The following TBX5 variants were observed in gnomAD, a reference collection of about 807,000 sequenced individuals.
The protein encoded by TBX5 is T-box transcription factor 5, also known as T-box transcription factor TBX5.
Under a neutral mutation model 51.1 loss-of-function variants are expected in TBX5, and 8 were observed. That is an observed-to-expected ratio of 0.16 (90% CI 0.09 to 0.28). The LOEUF (loss-of-function observed/expected upper bound fraction) is 0.28. Among genes scored for constraint, TBX5 ranks in the 10% least tolerant of loss-of-function variants. The pLI, the probability that TBX5 is intolerant of heterozygous loss-of-function variation, is 1.00. For missense variants in TBX5, 589 were observed against 671.7 expected (o/e 0.88, Z 1.36); for synonymous variants, 302 against 266.4 (o/e 1.13, Z -1.30).
upstream of TBX5, chr12:114,406,206 C>T (rs1310101927): frequency 6.1e-6 from 1 of 163,174 alleles, no homozygotes; most frequent in East Asian, 2.5e-4. Flanking sequence ...TCTCTCCCTC[C>T]CACCCTCCCG....
At chr12:114,371,794 A>G (rs527745621) in intron 7 of TBX5, among the ~76,000 whole-genome samples, 3 of 152,124 alleles carry the variant, frequency 2.0e-5, no homozygotes, top group Admixed American at 6.5e-5. Flanking sequence ...TGATTTCTTA[A>G]CATTCTAATT....
chr12:114,378,429 C>T (rs1018304732), intron 7 of TBX5, among the ~76,000 whole-genome samples: 1 of 152,188 alleles, frequency 6.6e-6, no homozygotes, highest in Non-Finnish European at 1.5e-5. Flanking sequence ...GGCAAGTCAA[C>T]CTGGCATCTG....
chr12:114,395,770 G>A (rs1211817710), intron 5 of TBX5, among the ~76,000 whole-genome samples: 1 of 152,148 alleles, frequency 6.6e-6, no homozygotes, highest in Non-Finnish European at 1.5e-5. Context: ...CCAGGGACAA[G>A]AGGGGTCCTA....
chr12:114,408,263 C>G, upstream of TBX5: 1 of 959,036 alleles, frequency 1.0e-6, no homozygotes, highest in Non-Finnish European at 1.2e-6. Flanking sequence ...TAAACCAACC[C>G]GGCTTTCTCC....
At chr12:114,390,587 A>G (rs1871098570) in intron 6 of TBX5, among the ~76,000 whole-genome samples, 1 of 152,248 alleles carries the variant, frequency 6.6e-6, no homozygotes, top group Non-Finnish European at 1.5e-5. Context: ...AATCTTAATT[A>G]TGTCTCTCTA....
At chr12:114,396,505 C>A (rs762977376) in intron 5 of TBX5, among the ~76,000 whole-genome samples, 82 of 152,128 alleles carry the variant, frequency 5.4e-4, no homozygotes, top group Admixed American at 3.3e-4. Flanking sequence ...CAGCTCCGAG[C>A]CCCTCTCCCC....
chr12:114,389,082 A>T (rs2555022), intron 6 of TBX5, among the ~76,000 whole-genome samples: 1 of 151,516 alleles, frequency 6.6e-6, no homozygotes, highest in African/African-American at 2.4e-5. Context: ...GTGCCCACCA[A>T]CACACCTGGC....
In TBX5 at chr12:114,387,034, C is replaced by T. The variant is rs1401948385; in HGVS notation, c.664-1467G>A. ...GGCAGGTGAATCACTTGAACCCAGG[C>T]GGCAGAGATTGCAGTGAGCCGAGAT... On this transcript the variant is annotated intron_variant, in intron 6 of 8. Transcript: ENST00000405440. Among the ~76,000 whole-genome samples the T allele has an allele frequency of 8.1e-5, 12 of 147,738 alleles. 1 individual carries two copies. In the South Asian group the frequency reaches 1.5e-3, roughly 19 times the overall value.
chr12:114,394,640 T>C, intron 6 of TBX5, 101 bp downstream of exon 6: 3 of 1,543,662 alleles, frequency 1.9e-6, no homozygotes, highest in Admixed American at 1.7e-5. Flanking sequence ...TGGTGACTGC[T>C]GCCATTCAGA....
chr12:114,399,420 A>G, intron 4 of TBX5, 93 bp downstream of exon 4: 1 of 1,596,942 alleles, frequency 6.3e-7, no homozygotes, highest in South Asian at 1.1e-5. Flanking sequence ...GAACTAAAAA[A>G]AAAAAAAAAG....
chr12:114,392,285 T>C (rs532211177), intron 6 of TBX5, among the ~76,000 whole-genome samples: 6 of 151,972 alleles, frequency 3.9e-5, no homozygotes, highest in African/African-American at 1.4e-4. Context: ...ATTTTTTAAA[T>C]AGCAATGTAA....
intron 8 of TBX5, among the ~76,000 whole-genome samples, chr12:114,364,369 G>A (rs1255035651): frequency 2.0e-5 from 3 of 152,272 alleles, no homozygotes; most frequent in African/African-American, 7.2e-5. Context: ...TACTTTCTGA[G>A]TCAACCCTGA....
chr12:114,393,677 A>T (rs1341468615), intron 6 of TBX5, among the ~76,000 whole-genome samples: 1 of 152,132 alleles, frequency 6.6e-6, no homozygotes, highest in Non-Finnish European at 1.5e-5. Flanking sequence ...GAAATGCCAA[A>T]ACCAGTGCCT....
chr12:114,356,138 A>T (rs1169808650), intron 8 of TBX5, 32 bp from the exon 9 acceptor site: 1 of 1,596,824 alleles, frequency 6.3e-7, no homozygotes, highest in Non-Finnish European at 8.5e-7. Flanking sequence ...CAGTGAGGCC[A>T]GGAGCAGGCA....
intron 7 of TBX5, among the ~76,000 whole-genome samples, chr12:114,369,418 T>C (rs146685650): frequency 6.6e-6 from 1 of 152,172 alleles, no homozygotes; most frequent in South Asian, 2.1e-4. Context: ...TGAAACATCA[T>C]CCCCAACACC....
intron 6 of TBX5, among the ~76,000 whole-genome samples, chr12:114,388,675 C>CATGT (rs1449921736): frequency 1.7e-4 from 21 of 124,404 alleles, no homozygotes; most frequent in Admixed American, 6.3e-4. Context: ...TTAAAGTATC[C>CATGT]GTGTGTGTGT....
intron 7 of TBX5, among the ~76,000 whole-genome samples, chr12:114,371,370 T>C (rs1869891877): frequency 6.6e-6 from 1 of 152,160 alleles, no homozygotes; most frequent in Admixed American, 6.5e-5. Context: ...TTCTCTCATG[T>C]TCTGTTCCAC....
intron 3 of TBX5, among the ~76,000 whole-genome samples, chr12:114,401,156 G>A (rs1255273869): frequency 1.3e-5 from 2 of 152,180 alleles, no homozygotes; most frequent in Non-Finnish European, 2.9e-5. Context: ...CAGAAGTCTA[G>A]CATTTCTAGC....
chr12:114,399,503 C>T lies in TBX5; in HGVS notation c.362+10G>A. On this transcript the variant is annotated intron_variant, in intron 4 of 8. Transcript: ENST00000405440. ...TCTCTCCCCGCTCCACCTGCCACCCCAGTGCCTACCATTTATTATCTGCGA... is the reference window on the plus strand; with the variant it reads ...TCTCTCCCCGCTCCACCTGCCACCCTAGTGCCTACCATTTATTATCTGCGA... 1 of 1,614,010 alleles carries T rather than the reference C, an allele frequency of 6.2e-7. No homozygotes were observed. Among genetic ancestry groups the T allele is most frequent in the Non-Finnish European group, 8.5e-7 (1 of 1,179,996 alleles).
Sources: gnomAD v4.1 joint callset for allele counts (sites outside exome capture counted in the v4.1 genomes callset) on GRCh38, gnomAD v4.1.1 for gene constraint, MANE v1.5 for transcripts, NCBI Gene and HGNC (gene_info 2026-07-23, HGNC 2026-07-21) for gene names.